The following ZNF76 variants were observed in gnomAD, a reference collection of about 807,000 sequenced individuals.
ZNF76 encodes zinc finger protein 523.
In ZNF76, 66 loss-of-function variants were observed where a neutral mutation model predicts 66.9. The observed-to-expected ratio is 0.99, with a 90% CI of 0.81 to 1.21. The LOEUF (loss-of-function observed/expected upper bound fraction) is 1.21. Among genes scored for constraint, ZNF76 ranks in the 50% most tolerant of loss-of-function variants. ZNF76 has a pLI of 0.00. For missense variants in ZNF76, 729 were observed against 760.3 expected (o/e 0.96, Z 0.48); for synonymous variants, 275 against 296.1 (o/e 0.93, Z 0.73).
intron 1 of ZNF76, among the ~76,000 whole-genome samples, chr6:35,269,260 G>A (rs370420401): frequency 1.6e-5 from 2 of 121,602 alleles, no homozygotes; most frequent in East Asian, 2.5e-4. Context: ...CAGCCTGGGC[G>A]ACAGAGCGAG....
intron 7 of ZNF76, 159 bp downstream of exon 7, chr6:35,290,875 C>G: frequency 1.4e-6 from 1 of 706,486 alleles, no homozygotes; most frequent in East Asian, 2.7e-5. Flanking sequence ...AACCTTGTTA[C>G]GGGAGTGCAA....
Position 35,291,700 on chromosome 6 carries a change from C to A in ZNF76, c.894C>A (p.Ser298Arg). 6.2e-7 allele frequency: 1 copy of A among 1,612,474 alleles called. No homozygotes were observed. ...PEPHCGRGFT[S>R]ATNYKNHVRI... ...CCCACTGTGGCCGCGGCTTCACCAG[C>A]GCCACCAACTATAAGAATCACGTGC... The change falls in exon 9 of 14, where the codon AGC becomes AGA. Residue 298 changes from serine (S) to arginine (R), a missense_variant. Ser to Arg is a moderately radical substitution (Grantham distance 110). Transcript: ENST00000373953.
In ZNF76 at chr6:35,291,316, GA is replaced by G. The variant is rs1790345364; in HGVS notation, c.665del (p.Glu222GlyfsTer183). 1.9e-6 allele frequency: 3 copies of G among 1,613,560 alleles called. No individual in the cohort carries two copies. The highest frequency in any genetic ancestry group is 2.5e-6 in the Non-Finnish European group (3 of 1,179,818). On this transcript the variant is annotated frameshift_variant, in exon 8 of 14. Coordinates refer to ENST00000373953, the MANE Select transcript of ZNF76 (RefSeq NM_003427.5). LOFTEE classifies it high-confidence loss of function. Reference protein sequence around the residue: ...LKSHVRTHTGEKPYKCPEELC... With the variant: ...LKSHVRTHTGXKPYKCPEELC... ...GAGCCACGTTCGTACCCACACTGGT[GA>G]GAAACCATACAAGTGCCCAGAGGAG... is the stretch of plus-strand genomic sequence containing the variant.
intron 7 of ZNF76, chr6:35,291,060 C>A (rs1790303136): frequency 8.0e-6 from 5 of 623,946 alleles, no homozygotes; most frequent in Non-Finnish European, 1.4e-5. Flanking sequence ...CTCTAAGTTT[C>A]TTTTCATGCT....
rs551628334 is a variant in ZNF76, at chr6:35,271,586, C to T, written c.-96-9470C>T. Among the ~76,000 whole-genome samples, 32 of 151,672 alleles carry T rather than the reference C, an allele frequency of 2.1e-4. No individual in the cohort carries two copies. In the East Asian group the frequency reaches 6.0e-3, roughly 29 times the overall value. Reference sequence around the variant, plus strand: ...TTGGGAGGCTGAGGCAGGAGAATCACTTGAACCCTGGAGGTGGAGGTTGCA... The same window carrying T: ...TTGGGAGGCTGAGGCAGGAGAATCATTTGAACCCTGGAGGTGGAGGTTGCA... On this transcript the variant is annotated intron_variant, in intron 1 of 13. Coordinates refer to ENST00000373953, the MANE Select transcript of ZNF76 (RefSeq NM_003427.5).
At chr6:35,294,114 T>G in intron 12 of ZNF76, 199 bp downstream of exon 12, 1 of 642,984 alleles carries the variant, frequency 1.6e-6, no homozygotes, top group East Asian at 2.8e-5. Flanking sequence ...AAGAGACACT[T>G]TCTAAATCTC....
Position 35,293,922 on chromosome 6 carries a change from C to T in ZNF76, c.1494+7C>T. ...TGGCACCCAGACGCAGCCCGTATGA[C>T]CAGGCGGTTTGCTTGGGGTTTCTTA... On this transcript the variant is annotated splice_region_variant and intron_variant, in intron 12 of 13. Transcript: ENST00000373953. 6.2e-7 allele frequency: 1 copy of T among 1,613,420 alleles called. No individual in the cohort carries two copies. The highest frequency in any genetic ancestry group is 1.1e-5 in the South Asian group (1 of 91,034).
chr6:35,276,105 A>T (rs1787857588), intron 1 of ZNF76, among the ~76,000 whole-genome samples: 1 of 152,250 alleles, frequency 6.6e-6, no homozygotes, highest in East Asian at 1.9e-4. Flanking sequence ...TAATATACCT[A>T]CTTCCTCATC....
intron 1 of ZNF76, among the ~76,000 whole-genome samples, chr6:35,266,551 G>A (rs959046842): frequency 2.0e-5 from 3 of 152,088 alleles, no homozygotes; most frequent in Non-Finnish European, 2.9e-5. Flanking sequence ...TATCAAAGTC[G>A]AGATGTTGAG....
rs758989918 is a variant in ZNF76 at position 35,294,516 on chromosome 6, C to T, written c.1555C>T (p.His519Tyr). 15 of 1,613,994 alleles carry T rather than the reference C, an allele frequency of 9.3e-6. No individual in the cohort carries two copies. Among genetic ancestry groups the T allele is most frequent in the Non-Finnish European group, 1.3e-5 (15 of 1,180,040 alleles). Residue 519 changes from histidine to tyrosine, a missense_variant, in exon 13 of 14, where the codon CAT becomes TAT. By Grantham distance (83) the His-to-Tyr change is moderately conservative. Coordinates refer to ENST00000373953, the MANE Select transcript of ZNF76 (RefSeq NM_003427.5). ...AEDSSVASLR[H>Y]QQVALLATAN... is the part of the protein sequence containing the mutation. Reference sequence around the variant, plus strand: ...GGACTCAAGTGTAGCATCTCTTCGTCATCAACAGGTGGCACTGTTGGCCAC... The same window carrying T: ...GGACTCAAGTGTAGCATCTCTTCGTTATCAACAGGTGGCACTGTTGGCCAC...
rs773524718 is a variant in ZNF76, at chr6:35,290,300, A to G, written c.467A>G (p.Lys156Arg). ...LHDSQIPRNG[K>R]GQQVGDRAFR... is the part of the protein sequence containing the mutation. ...GACAGCCAGATTCCCCGTAATGGAA[A>G]AGGGCAGCAAGTTGGAGACAGAGCA... Residue 156 changes from lysine to arginine, a missense_variant, in exon 6 of 14, where the codon AAA (lysine) becomes AGA (arginine). Transcript: ENST00000373953. The G allele has an allele frequency of 6.2e-7, 1 of 1,614,092 alleles. No individual in the cohort carries two copies. The highest frequency in any genetic ancestry group is 1.7e-5 in the Admixed American group (1 of 60,002).
Position 35,291,348 on chromosome 6 carries a change from C to G in ZNF76, c.696C>G (p.Cys232Trp), listed in dbSNP as rs1379402556. 6.2e-7 allele frequency: 1 copy of G among 1,614,006 alleles called. No homozygotes were observed. Among genetic ancestry groups the G allele is most frequent in the Non-Finnish European group, 8.5e-7 (1 of 1,180,002 alleles). ...CATACAAGTGCCCAGAGGAGCTGTG[C>G]AGCAAGGCCTTCAAGACCTCAGGAG... ...EKPYKCPEEL[C>W]SKAFKTSGDL... Residue 232 changes from cysteine (C) to tryptophan (W), a missense_variant, in exon 8 of 14, where the codon TGC (cysteine) becomes TGG (tryptophan). Coordinates refer to ENST00000373953, the MANE Select transcript of ZNF76 (RefSeq NM_003427.5).
At chr6:35,273,793 G>A (rs567757253) in intron 1 of ZNF76, among the ~76,000 whole-genome samples, 80 of 151,030 alleles carry the variant, frequency 5.3e-4, no homozygotes, top group African/African-American at 1.7e-3. Flanking sequence ...TGGGCTCAAG[G>A]GATCCTCCCA....
At chr6:35,283,457 TG>T (rs549844040) in intron 2 of ZNF76, among the ~76,000 whole-genome samples, 40 of 152,358 alleles carry the variant, frequency 2.6e-4, no homozygotes, top group African/African-American at 9.4e-4. Flanking sequence ...GAGTATAAAA[TG>T]TATTATTCAA....
chr6:35,291,166 G>T, intron 7 of ZNF76, 112 bp from the exon 8 acceptor site: 2 of 1,427,662 alleles, frequency 1.4e-6, no homozygotes, highest in South Asian at 1.3e-5. Context: ...GATAGAGGCA[G>T]ACATGGGCTT....
chr6:35,294,226 C>T (rs1188620987), intron 12 of ZNF76: 9 of 579,378 alleles, frequency 1.6e-5, no homozygotes, highest in Admixed American at 3.2e-5. Context: ...GAATTTTTTA[C>T]AGCTCTGTCC....
At chr6:35,273,724 A>AC (rs1787482552) in intron 1 of ZNF76, among the ~76,000 whole-genome samples, 1 of 147,664 alleles carries the variant, frequency 6.8e-6, no homozygotes, top group Non-Finnish European at 1.5e-5. Context: ...CCATCTCACA[A>AC]AAAAAAAAAA....
intron 6 of ZNF76, 120 bp downstream of exon 6, chr6:35,290,502 G>C (rs1790224440): frequency 1.3e-6 from 2 of 1,528,662 alleles, no homozygotes; most frequent in Admixed American, 1.8e-5. Flanking sequence ...AAGAAATGAG[G>C]GTACACAGGA....
chr6:35,286,445 C>T, intron 4 of ZNF76, 46 bp downstream of exon 4: 1 of 1,576,434 alleles, frequency 6.3e-7, no homozygotes, highest in Non-Finnish European at 8.7e-7. Flanking sequence ...GGAGGCAGGA[C>T]TGGAGGATGG....
Sources: allele counts gnomAD v4.1 joint callset (sites outside exome capture counted in the v4.1 genomes callset), GRCh38; gene constraint gnomAD v4.1.1; transcripts MANE v1.5; gene names NCBI Gene and HGNC (gene_info 2026-07-23, HGNC 2026-07-21).